Variants in ACOT11 observed in about 807,000 individuals in gnomAD.
The protein encoded by ACOT11 is acyl-coenzyme A thioesterase 11.
Under a neutral mutation model 77.5 loss-of-function variants are expected in ACOT11, and 69 were observed. The observed-to-expected ratio is 0.89, with a 90% CI of 0.73 to 1.09. The LOEUF is 1.09. Ranked by LOEUF, ACOT11 falls within the 50% of genes least tolerant of loss-of-function variation. ACOT11 has a pLI of 0.00. For missense variants in ACOT11, 766 were observed against 813.7 expected (o/e 0.94, Z 0.71); for synonymous variants, 279 against 313.0 (o/e 0.89, Z 1.15).
chr1:54,617,804 A>G (rs1450213832), intron 15 of ACOT11, among the ~76,000 whole-genome samples: 2 of 135,900 alleles, frequency 1.5e-5, no homozygotes, highest in Non-Finnish European at 3.1e-5. Flanking sequence ...GCTCACTGCA[A>G]CCTCTGCCTG....
chr1:54,550,833 C>CAA (rs1653035203), intron 1 of ACOT11, among the ~76,000 whole-genome samples: 2 of 151,490 alleles, frequency 1.3e-5, no homozygotes, highest in Non-Finnish European at 2.9e-5. Context: ...AAAACAAAAA[C>CAA]AAAAACAAAC....
chr1:54,630,373 A>T (rs1350090385), intron 15 of ACOT11, among the ~76,000 whole-genome samples: 1 of 152,202 alleles, frequency 6.6e-6, no homozygotes, highest in Non-Finnish European at 1.5e-5. Context: ...TAACATGCCC[A>T]TAATGGCCCT....
At chr1:54,602,019 G>A (rs1184923094) in intron 9 of ACOT11, among the ~76,000 whole-genome samples, 2 of 152,264 alleles carry the variant, frequency 1.3e-5, no homozygotes, top group Non-Finnish European at 2.9e-5. Flanking sequence ...TGGCCTTCCT[G>A]CTGGCCTTCC....
intron 6 of ACOT11, 124 bp from the exon 7 acceptor site, chr1:54,597,134 CT>C: frequency 8.0e-7 from 1 of 1,245,012 alleles, no homozygotes; most frequent in Admixed American, 1.9e-5. Flanking sequence ...GCACTCTGTG[CT>C]GAGTAAATAA....
chr1:54,599,665 T>A, intron 8 of ACOT11: 1 of 250,124 alleles, frequency 4.0e-6, no homozygotes, highest in Non-Finnish European at 7.6e-6. Flanking sequence ...CCAGCCCCTG[T>A]CTCCCGCTGT....
intron 1 of ACOT11, among the ~76,000 whole-genome samples, chr1:54,566,906 G>C (rs1302644884): frequency 6.6e-6 from 1 of 152,192 alleles, no homozygotes; most frequent in African/African-American, 2.4e-5. Context: ...GGTGTGTCAT[G>C]ATCTAGTCTC....
downstream of ACOT11, among the ~76,000 whole-genome samples, chr1:54,615,288 G>A (rs561682211): frequency 6.6e-6 from 1 of 152,260 alleles, no homozygotes; most frequent in African/African-American, 2.4e-5. Flanking sequence ...TGCAGAGAAA[G>A]GACTTGGTAC....
chr1:54,550,835 AAAAC>A (rs1258773871), intron 1 of ACOT11, among the ~76,000 whole-genome samples: 2 of 151,808 alleles, frequency 1.3e-5, no homozygotes, highest in African/African-American at 2.4e-5. Flanking sequence ...AACAAAAACA[AAAAC>A]AAACAAAAAA....
intron 1 of ACOT11, among the ~76,000 whole-genome samples, chr1:54,556,555 T>G (rs1175481138): frequency 1.3e-5 from 2 of 152,170 alleles, no homozygotes; most frequent in African/African-American, 4.8e-5. Flanking sequence ...CTTCAATTTC[T>G]TTCATTAATG....
chr1:54,626,252 A>G (rs1644271939), intron 15 of ACOT11, among the ~76,000 whole-genome samples: 1 of 152,152 alleles, frequency 6.6e-6, no homozygotes. Flanking sequence ...CCTGAGCGAC[A>G]GAGTGAGACC....
At chr1:54,580,937 A>G (rs955138934) in intron 1 of ACOT11, among the ~76,000 whole-genome samples, 7 of 152,164 alleles carry the variant, frequency 4.6e-5, no homozygotes, top group African/African-American at 1.7e-4. Flanking sequence ...GTGGTGCTCT[A>G]AGGAAACGTA....
At chr1:54,630,701 T>C (rs749419221) in intron 15 of ACOT11, 23 of 656,580 alleles carry the variant, frequency 3.5e-5, no homozygotes, top group Non-Finnish European at 6.5e-5. Flanking sequence ...TTCACACCTC[T>C]ATATTTCTCT....
intron 15 of ACOT11, among the ~76,000 whole-genome samples, chr1:54,608,355 C>T (rs1345017743): frequency 6.6e-6 from 1 of 152,136 alleles, no homozygotes; most frequent in African/African-American, 2.4e-5. Context: ...ACTTGGATAG[C>T]CCTTCTCATC....
Position 54,609,319 on chromosome 1 carries a change from C to G in ACOT11, c.*207C>G, listed in dbSNP as rs1557667658. ...AGTCCTTGTGGTAGCCCTGGGGTAGCCTGTAGTAGACTCGGGTCCTGTCCA... is the reference window on the plus strand; with the variant it reads ...AGTCCTTGTGGTAGCCCTGGGGTAGGCTGTAGTAGACTCGGGTCCTGTCCA... On this transcript the variant is annotated 3_prime_UTR_variant, in exon 16 of 16. Coordinates refer to ENST00000343744, the MANE Select transcript of ACOT11 (RefSeq NM_147161.4). The G allele has an allele frequency of 6.2e-7, 1 of 1,613,170 alleles. No individual in the cohort carries two copies.
At chr1:54,622,643 GCAGGAAAAC>G (rs1644241083) in intron 15 of ACOT11, among the ~76,000 whole-genome samples, 1 of 152,074 alleles carries the variant, frequency 6.6e-6, no homozygotes, top group Admixed American at 6.5e-5. Context: ...TGGGGCTGAG[GCAGGAAAAC>G]CACTTAGATC....
At chr1:54,595,021 T>A (rs1200908518) in intron 6 of ACOT11, among the ~76,000 whole-genome samples, 2 of 152,206 alleles carry the variant, frequency 1.3e-5, no homozygotes, top group African/African-American at 2.4e-5. Context: ...TAGAATTTTT[T>A]AAAAAGCATA....
intron 7 of ACOT11, 71 bp from the exon 8 acceptor site, chr1:54,599,225 A>ATATATATATATATATATATAT (rs1557662285): frequency 3.5e-6 from 1 of 284,616 alleles, no homozygotes; most frequent in Non-Finnish European, 4.7e-6. Flanking sequence ...TATATATATA[A>ATATATATATATATATATATAT]AAATCTGGCC....
Position 54,562,122 on chromosome 1 carries a change from C to T in ACOT11, c.33+13780C>T, listed in dbSNP as rs1463730526. ...CCCCCAACCTCCCTCCCGGACGGGGCGGCTGGCCGGGCAGAGGGGCTCCTC... is the reference window on the plus strand; with the variant it reads ...CCCCCAACCTCCCTCCCGGACGGGGTGGCTGGCCGGGCAGAGGGGCTCCTC... On this transcript the variant is annotated intron_variant, in intron 1 of 15. Coordinates refer to ENST00000343744, the MANE Select transcript of ACOT11 (RefSeq NM_147161.4). 1.6e-4 allele frequency among the ~76,000 whole-genome samples: 9 copies of T among 56,960 alleles called. 1 individual carries two copies. Among genetic ancestry groups the T allele is most frequent in the East Asian group, 5.2e-4 (1 of 1,916 alleles). The allele number at this position is 56,960 out of a possible 152,430, so 37.4% of individuals were successfully genotyped here.
chr1:54,625,560 A>G (rs1644266905), intron 15 of ACOT11, among the ~76,000 whole-genome samples: 1 of 152,208 alleles, frequency 6.6e-6, no homozygotes, highest in African/African-American at 2.4e-5. Flanking sequence ...CAGAAGCTAC[A>G]TCTCGAGTAA....
Sources: gnomAD v4.1 joint callset for allele counts (sites outside exome capture counted in the v4.1 genomes callset) on GRCh38, gnomAD v4.1.1 for gene constraint, MANE v1.5 for transcripts, NCBI Gene and HGNC (gene_info 2026-07-23, HGNC 2026-07-21) for gene names.